ELAVL1: variants seen among roughly 807,000 people sequenced by gnomAD.
The protein encoded by ELAVL1 is ELAV like RNA binding protein 1, also known as ELAV-like protein 1.
A neutral mutation model predicts 28.4 loss-of-function variants in ELAVL1; 1 was observed. The ratio of observed to expected loss-of-function variants is 0.04; its 90% CI spans 0.01 to 0.17. The LOEUF (loss-of-function observed/expected upper bound fraction) is 0.17, where lower values mean the gene tolerates loss of function less well. ELAVL1 is among the 10% of genes least tolerant of loss of function. ELAVL1 has a pLI of 1.00. For synonymous variants in ELAVL1, 174 were observed against 183.5 expected (o/e 0.95, Z 0.42); for missense variants, 157 against 447.2 (o/e 0.35, Z 5.85).
In ELAVL1 at chr19:7,988,013, G is replaced by A. The variant is rs1364327104; in HGVS notation, c.172+3631C>T. ...CAGTGAGGACAGTGGTCTTCAGGGAGCATAGGAGGCCAGTTAAGAGGCCAA... is the reference window on the plus strand; with the variant it reads ...CAGTGAGGACAGTGGTCTTCAGGGAACATAGGAGGCCAGTTAAGAGGCCAA... On this transcript the variant is annotated intron_variant, in intron 2 of 5. Coordinates refer to ENST00000407627, the MANE Select transcript of ELAVL1 (RefSeq NM_001419.3). Among the ~76,000 whole-genome samples, 8 of 152,184 alleles carry A rather than the reference G, an allele frequency of 5.3e-5. No individual in the cohort carries two copies. The South Asian group carries it at 1.7e-3, about 32-fold the overall frequency.
At chr19:7,965,628 C>T (rs527351638) in intron 5 of ELAVL1, among the ~76,000 whole-genome samples, 1 of 152,234 alleles carries the variant, frequency 6.6e-6, no homozygotes, top group South Asian at 2.1e-4. Flanking sequence ...ATCACTTTGT[C>T]TTAGTGGTTG....
intron 1 of ELAVL1, among the ~76,000 whole-genome samples, chr19:7,997,038 T>C (rs1024839269): frequency 2.0e-5 from 3 of 151,892 alleles, no homozygotes; most frequent in African/African-American, 7.3e-5. Context: ...AAACAGACAA[T>C]GTCAAGTGCT....
intron 4 of ELAVL1, among the ~76,000 whole-genome samples, chr19:7,972,230 G>C (rs762003842): frequency 8.5e-5 from 13 of 152,218 alleles, no homozygotes; most frequent in Non-Finnish European, 1.8e-4. Flanking sequence ...ATCCCCTCAG[G>C]GTGGCCCGAG....
chr19:7,969,443 C>T (rs1324054750), intron 4 of ELAVL1, among the ~76,000 whole-genome samples: 2 of 152,122 alleles, frequency 1.3e-5, no homozygotes, highest in African/African-American at 4.8e-5. Flanking sequence ...ACTGCAGGCC[C>T]CCCGTGAGCA....
intron 3 of ELAVL1, among the ~76,000 whole-genome samples, chr19:7,977,110 C>T (rs1007593872): frequency 7.2e-5 from 11 of 152,180 alleles, no homozygotes; most frequent in Admixed American, 4.6e-4. Flanking sequence ...ATCTGGGGAC[C>T]GCTGCTGCGT....
intron 2 of ELAVL1, among the ~76,000 whole-genome samples, chr19:7,983,740 T>G (rs1985527340): frequency 6.6e-6 from 1 of 152,074 alleles, no homozygotes; most frequent in Non-Finnish European, 1.5e-5. Flanking sequence ...CCCGTTCCTG[T>G]GTCCTCAGCC....
chr19:7,996,102 C>T (rs1470003456), intron 1 of ELAVL1, among the ~76,000 whole-genome samples: 3 of 151,994 alleles, frequency 2.0e-5, no homozygotes, highest in Admixed American at 1.3e-4. Flanking sequence ...TCTTGAATTC[C>T]TGGTGTCAAG....
intron 2 of ELAVL1, among the ~76,000 whole-genome samples, chr19:7,986,814 C>T (rs933780452): frequency 6.6e-6 from 1 of 152,166 alleles, no homozygotes; most frequent in Non-Finnish European, 1.5e-5. Flanking sequence ...GAAGTTTATC[C>T]ACAGCCTGAG....
Position 8,001,991 on chromosome 19 carries a change from C to T in ELAVL1, c.-17+3504G>A. Reference sequence around the variant, plus strand: ...GTGACTGGTTTCTCCTTGTCTCCCCCCAGCCTCTCCACCAGGGTGAGCAGT... The same window carrying T: ...GTGACTGGTTTCTCCTTGTCTCCCCTCAGCCTCTCCACCAGGGTGAGCAGT... On this transcript the variant is annotated intron_variant, in intron 1 of 5. Coordinates refer to ENST00000407627, the MANE Select transcript of ELAVL1 (RefSeq NM_001419.3). 4.0e-6 allele frequency: 5 copies of T among 1,258,518 alleles called. No individual in the cohort carries two copies. The South Asian group carries it at 6.2e-5, about 16-fold the overall frequency. The allele number at this position is 1,258,518 out of a possible 1,614,324, so 78.0% of individuals were successfully genotyped here. A position where few individuals can be genotyped will look rare whatever the true frequency, so the allele number is the denominator to read the frequency against.
rs925666854 is a variant in ELAVL1, at chr19:7,959,392, A to G, written c.*4091T>C. The G allele has an allele frequency of 6.6e-6, 1 of 152,592 alleles. No individual in the cohort carries two copies. The highest frequency in any genetic ancestry group is 1.5e-5 in the Non-Finnish European group (1 of 68,046). The allele number at this position is 152,592 out of a possible 1,614,324, so 9.5% of individuals were successfully genotyped here. A position where few individuals can be genotyped will look rare whatever the true frequency, so the allele number is the denominator to read the frequency against. On this transcript the variant is annotated 3_prime_UTR_variant, in exon 6 of 6. Transcript: ENST00000407627. ...GTTAAGAGAGCCTCCCCTCCCCCAA[A>G]GCAAGTCACTGTAAACGGAACATCA...
chr19:8,001,027 G>A (rs2081066090), intron 1 of ELAVL1, among the ~76,000 whole-genome samples: 1 of 151,990 alleles, frequency 6.6e-6, no homozygotes, highest in Non-Finnish European at 1.5e-5. Flanking sequence ...TGGGCACTAA[G>A]TCTCCTGCTC....
intron 1 of ELAVL1, among the ~76,000 whole-genome samples, chr19:8,000,496 T>G (rs1406711525): frequency 6.6e-6 from 1 of 152,178 alleles, no homozygotes; most frequent in Admixed American, 6.5e-5. Flanking sequence ...AGAGCAAAAC[T>G]AGAACAGTCA....
intron 4 of ELAVL1, 100 bp from the exon 5 acceptor site, chr19:7,967,890 GAAGTCTGGTT>G: frequency 7.6e-7 from 1 of 1,309,776 alleles, no homozygotes. Flanking sequence ...GGCCAGGCTA[GAAGTCTGGTT>G]AAGGAAATAA....
intron 5 of ELAVL1, among the ~76,000 whole-genome samples, chr19:7,966,246 C>T (rs1984953632): frequency 1.3e-5 from 2 of 152,152 alleles, no homozygotes; most frequent in African/African-American, 2.4e-5. Flanking sequence ...CTCGATGCCA[C>T]TCCTTGAGGT....
intron 1 of ELAVL1, among the ~76,000 whole-genome samples, chr19:8,005,001 G>A (rs1440495913): frequency 3.3e-5 from 5 of 152,042 alleles, no homozygotes; most frequent in East Asian, 3.9e-4. Flanking sequence ...CAGGACTCCC[G>A]TGTATCTACT....
rs1393912010 is a variant in ELAVL1 at position 7,979,185 on chromosome 19, C to G, written c.276+1898G>C. 6.6e-6 allele frequency among the ~76,000 whole-genome samples: 1 copy of G among 152,346 alleles called. No homozygotes were observed. Among genetic ancestry groups the G allele is most frequent in the South Asian group, 2.1e-4 (1 of 4,828 alleles). ...GGCTGTCACGTCCCCATGAGGCTGG[C>G]CTGTTTCTGCAGAACTAGGACAGTG... On this transcript the variant is annotated intron_variant, in intron 3 of 5. Coordinates refer to ENST00000407627, the MANE Select transcript of ELAVL1 (RefSeq NM_001419.3). This position sits in a 1 kb window ranked among gnomAD's most constrained non-coding sequence, Gnocchi z 5.4.
Position 7,973,706 on chromosome 19 carries a change from T to A in ELAVL1, c.430+19A>T. 1 of 1,608,218 alleles carries A rather than the reference T, an allele frequency of 6.2e-7. No individual in the cohort carries two copies. The highest frequency in any genetic ancestry group is 8.5e-7 in the Non-Finnish European group (1 of 1,175,786). On this transcript the variant is annotated intron_variant, in intron 4 of 5. Transcript: ENST00000407627. ...ACCTAGAGAACACCCTCCCCACGCG[T>A]CTGGGGCCCCTCTGGTACCTGTAGT...
At chr19:7,978,445 C>G (rs1370641147) in intron 3 of ELAVL1, among the ~76,000 whole-genome samples, 1 of 152,122 alleles carries the variant, frequency 6.6e-6, no homozygotes, top group Non-Finnish European at 1.5e-5. Flanking sequence ...ATCGGTCATG[C>G]ATTCGTAATG....
At chr19:7,974,487 C>T (rs531984035) in intron 3 of ELAVL1, among the ~76,000 whole-genome samples, 48 of 152,272 alleles carry the variant, frequency 3.2e-4, no homozygotes, top group Non-Finnish European at 6.3e-4. Context: ...ATTCATCATT[C>T]GTGTGGAGAG....
Sources: gnomAD v4.1 joint callset for allele counts (sites outside exome capture counted in the v4.1 genomes callset) on GRCh38, gnomAD v4.1.1 for gene constraint, Gnocchi (gnomAD v3.1) non-coding constraint, MANE v1.5 for transcripts, NCBI Gene and HGNC (gene_info 2026-07-23, HGNC 2026-07-21) for gene names.